Variants in NSMAF observed in about 807,000 individuals in gnomAD.
NSMAF encodes the protein neutral sphingomyelinase activation associated factor, also known as protein FAN.
In NSMAF, 90 loss-of-function variants were observed where a neutral mutation model predicts 134.9. The observed-to-expected ratio is 0.67, with a 90% CI of 0.56 to 0.79. NSMAF has a LOEUF of 0.79. NSMAF is among the 30% of genes least tolerant of loss of function. The pLI is 0.00. For missense variants in NSMAF, 1,010 were observed against 1,119.0 expected, an observed-to-expected ratio of 0.90 and a Z score of 1.39; for synonymous variants, 358 against 389.6, an observed-to-expected ratio of 0.92 and a Z score of 0.96.
chr8:58,650,431 T>C (rs1437590414), intron 1 of NSMAF, among the ~76,000 whole-genome samples: 2 of 151,914 alleles, frequency 1.3e-5, no homozygotes, highest in African/African-American at 2.4e-5. Context: ...CATTCTTTAT[T>C]TGCTAGCCTG....
chr8:58,587,363 T>C (rs150850146), intron 27 of NSMAF, among the ~76,000 whole-genome samples: 1 of 152,322 alleles, frequency 6.6e-6, no homozygotes, highest in African/African-American at 2.4e-5. Context: ...GAAACTACTA[T>C]TTTGGAATTC....
At chr8:58,653,256 G>A (rs898551840) in intron 1 of NSMAF, among the ~76,000 whole-genome samples, 1 of 152,038 alleles carries the variant, frequency 6.6e-6, no homozygotes, top group Admixed American at 6.5e-5. Context: ...AAGGGAGCAA[G>A]GGGGCCTTAT....
At chr8:58,652,259 A>C (rs1807602548) in intron 1 of NSMAF, among the ~76,000 whole-genome samples, 1 of 152,226 alleles carries the variant, frequency 6.6e-6, no homozygotes, top group Admixed American at 6.5e-5. Flanking sequence ...AATTAGACTT[A>C]ACAATATTGG....
intron 23 of NSMAF, among the ~76,000 whole-genome samples, chr8:58,592,902 C>CAAA (rs1194341835): frequency 4.4e-5 from 5 of 114,378 alleles, no homozygotes; most frequent in East Asian, 2.8e-4. Flanking sequence ...AAAACAAAAA[C>CAAA]AAAAACAACA....
chr8:58,624,046 T>C (rs1049275957), intron 6 of NSMAF, among the ~76,000 whole-genome samples: 1 of 146,854 alleles, frequency 6.8e-6, no homozygotes, highest in African/African-American at 2.5e-5. Context: ...TTTTTTTTTT[T>C]TTTTTTTTTT....
chr8:58,598,755 G>C (rs979892701), intron 19 of NSMAF, among the ~76,000 whole-genome samples: 1 of 152,110 alleles, frequency 6.6e-6, no homozygotes, highest in African/African-American at 2.4e-5. Context: ...GGGCGCAGTG[G>C]CTCACACCTG....
At chr8:58,656,743 T>C (rs1254610163) in intron 1 of NSMAF, among the ~76,000 whole-genome samples, 2 of 151,970 alleles carry the variant, frequency 1.3e-5, no homozygotes, top group African/African-American at 2.4e-5. Flanking sequence ...GGCAGGAGAA[T>C]GGCGTGAACC....
chr8:58,635,998 C>T (rs1807165963), intron 2 of NSMAF, among the ~76,000 whole-genome samples: 1 of 152,144 alleles, frequency 6.6e-6, no homozygotes, highest in Admixed American at 6.5e-5. Context: ...TGAGAAGGCC[C>T]ATTCTACTGA....
chr8:58,653,977 G>C (rs1807644081), intron 1 of NSMAF, among the ~76,000 whole-genome samples: 1 of 152,140 alleles, frequency 6.6e-6, no homozygotes, highest in Non-Finnish European at 1.5e-5. Context: ...TCAATATAGA[G>C]TCTAAATTAA....
chr8:58,596,845 G>T (rs537636470), intron 21 of NSMAF, among the ~76,000 whole-genome samples: 1 of 151,938 alleles, frequency 6.6e-6, no homozygotes, highest in Admixed American at 6.6e-5. Flanking sequence ...GGAGAACGGC[G>T]GCGTGAACCC....
At chr8:58,610,136 T>C (rs1806494648) in intron 9 of NSMAF, among the ~76,000 whole-genome samples, 2 of 152,228 alleles carry the variant, frequency 1.3e-5, no homozygotes, top group South Asian at 4.1e-4. Context: ...CACTACACTT[T>C]ATAAGGCTCT....
chr8:58,638,285 T>A (rs902102843), intron 2 of NSMAF, among the ~76,000 whole-genome samples: 4 of 152,126 alleles, frequency 2.6e-5, no homozygotes, highest in Admixed American at 6.6e-5. Context: ...TCTCAAGTGA[T>A]CCTCCCTCCT....
At chr8:58,655,002 T>G (rs1293381979) in intron 1 of NSMAF, among the ~76,000 whole-genome samples, 1 of 144,048 alleles carries the variant, frequency 6.9e-6, no homozygotes, top group Non-Finnish European at 1.5e-5. Context: ...ACCCGGCTAG[T>G]TTTTTTTTTT....
At chr8:58,607,713 C>T in intron 11 of NSMAF, 56 bp downstream of exon 11, 2 of 1,358,556 alleles carry the variant, frequency 1.5e-6, no homozygotes, top group Non-Finnish European at 2.1e-6. Context: ...CAATAAACTG[C>T]TGGCTAAACT....
intron 1 of NSMAF, among the ~76,000 whole-genome samples, chr8:58,656,843 TA>T (rs1170267864): frequency 1.3e-5 from 2 of 151,594 alleles, no homozygotes; most frequent in South Asian, 2.1e-4. Flanking sequence ...AAAATAAAAA[TA>T]AAAAAAATTA....
Position 58,617,079 on chromosome 8 carries a change from GTTC to G in NSMAF, c.557+6138_557+6140del, listed in dbSNP as rs1318757713. Among the ~76,000 whole-genome samples the G allele has an allele frequency of 2.6e-5, 4 of 152,294 alleles. No homozygotes were observed. In the East Asian group the frequency reaches 5.8e-4, roughly 22 times the overall value. ...AGAAATCTGTACTATCTTTTGGTCT[GTTC>G]TTCTTAAATCTACAATCATTACAAA... On this transcript the variant is annotated intron_variant, in intron 9 of 30. Transcript: ENST00000038176.
chr8:58,600,615 CTG>C (rs1010630027), intron 16 of NSMAF, among the ~76,000 whole-genome samples: 3 of 97,410 alleles, frequency 3.1e-5, no homozygotes, highest in African/African-American at 1.5e-4. Context: ...GAGCAAGACT[CTG>C]TCTCAAAAAA....
chr8:58,595,499 G>T (rs1806116807), intron 22 of NSMAF, 61 bp downstream of exon 22: 1 of 1,185,044 alleles, frequency 8.4e-7, no homozygotes, highest in Non-Finnish European at 1.3e-6. Context: ...TTAATCCCAT[G>T]CCAAGACCCT....
chr8:58,609,468 A>G, intron 10 of NSMAF, 136 bp downstream of exon 10: 5 of 775,028 alleles, frequency 6.5e-6, no homozygotes, highest in Non-Finnish European at 8.4e-6. Context: ...AAATACACAG[A>G]TGCTGCCTGT....
Sources: allele counts gnomAD v4.1 joint callset (sites outside exome capture counted in the v4.1 genomes callset), GRCh38; gene constraint gnomAD v4.1.1; transcripts MANE v1.5; gene names NCBI Gene and HGNC (gene_info 2026-07-23, HGNC 2026-07-21).